PDE10A: variants seen among roughly 807,000 people sequenced by gnomAD.
PDE10A encodes the protein phosphodiesterase 10A.
PDE10A carries 39 observed loss-of-function variants against 97.7 expected under a neutral mutation model. The observed-to-expected ratio is 0.40, with a 90% CI of 0.31 to 0.52. PDE10A has a LOEUF of 0.52. Among genes scored for constraint, PDE10A ranks in the 20% least tolerant of loss-of-function variants. PDE10A has a pLI of 0.56. For synonymous variants in PDE10A, 371 were observed against 376.8 expected (o/e 0.98, Z 0.18); for missense variants, 731 against 1,047.8 (o/e 0.70, Z 4.17).
intron 1 of PDE10A, among the ~76,000 whole-genome samples, chr6:165,816,476 T>A (rs1416568413): frequency 6.6e-6 from 1 of 152,214 alleles, no homozygotes; most frequent in Non-Finnish European, 1.5e-5. Context: ...GAGCACGTGC[T>A]CTGGAGCAGG....
At chr6:165,886,418 TGGAGCCAGGA>T (rs1781635176) in intron 1 of PDE10A, among the ~76,000 whole-genome samples, 1 of 152,192 alleles carries the variant, frequency 6.6e-6, no homozygotes, top group Non-Finnish European at 1.5e-5. Context: ...TCTGCAGCCC[TGGAGCCAGGA>T]GAAGCCCCAA....
intron 2 of PDE10A, among the ~76,000 whole-genome samples, chr6:165,515,560 G>A (rs73037899): frequency 8.2e-6 from 1 of 121,248 alleles, no homozygotes; most frequent in African/African-American, 3.3e-5. Context: ...GTCTCACTCT[G>A]TCACACAGGG....
At chr6:165,689,693 G>A (rs1791219121) in intron 1 of PDE10A, among the ~76,000 whole-genome samples, 1 of 152,182 alleles carries the variant, frequency 6.6e-6, no homozygotes, top group Non-Finnish European at 1.5e-5. Flanking sequence ...GGTCTCACCA[G>A]AAGCGGATGC....
At chr6:165,779,612 G>GGGT (rs1414698200) in intron 1 of PDE10A, among the ~76,000 whole-genome samples, 1 of 152,156 alleles carries the variant, frequency 6.6e-6, no homozygotes, top group Non-Finnish European at 1.5e-5. Flanking sequence ...TAATTATTTG[G>GGGT]GGTGGTGGCT....
chr6:165,984,384 G>A (rs976995590), intron 1 of PDE10A, among the ~76,000 whole-genome samples: 4 of 152,128 alleles, frequency 2.6e-5, no homozygotes, highest in Non-Finnish European at 4.4e-5. Context: ...GATGAAAAAT[G>A]TTTGCTGAAA....
At chr6:165,615,433 G>C (rs1787685618) in intron 1 of PDE10A, among the ~76,000 whole-genome samples, 1 of 151,404 alleles carries the variant, frequency 6.6e-6, no homozygotes, top group Admixed American at 6.6e-5. Context: ...CCAAAGTGAT[G>C]AAAATAAGTC....
chr6:165,824,357 C>T (rs747660315), intron 1 of PDE10A, among the ~76,000 whole-genome samples: 19 of 152,134 alleles, frequency 1.2e-4, no homozygotes, highest in South Asian at 6.2e-4. Flanking sequence ...GATAGCATGT[C>T]GAAATTTTCA....
chr6:165,857,722 TGTGTGTGTGTGTGTGA>T (rs58132784), intron 1 of PDE10A, among the ~76,000 whole-genome samples: 11,883 of 143,012 alleles, frequency 0.083, 706 homozygotes, highest in East Asian at 0.3. Context: ...TGTGTGTGTG[TGTGTGTGTGTGTGTGA>T]AGAATGATTG....
chr6:165,959,064 T>C (rs367848455), intron 1 of PDE10A, among the ~76,000 whole-genome samples: 8 of 152,122 alleles, frequency 5.3e-5, no homozygotes, highest in African/African-American at 1.9e-4. Context: ...CAAGATTGGG[T>C]GGTAATGGGG....
At chr6:165,411,163 G>A (rs944528673) in intron 13 of PDE10A, among the ~76,000 whole-genome samples, 1 of 148,964 alleles carries the variant, frequency 6.7e-6, no homozygotes, top group South Asian at 2.1e-4. Flanking sequence ...CCCAGGTCAT[G>A]AGAGACAACA....
chr6:165,458,367 A>G (rs188291015), intron 3 of PDE10A, among the ~76,000 whole-genome samples: 4 of 152,218 alleles, frequency 2.6e-5, no homozygotes, highest in Admixed American at 2.0e-4. Flanking sequence ...TAGAGCCCTC[A>G]TGAATGGGAT....
intron 1 of PDE10A, among the ~76,000 whole-genome samples, chr6:165,930,566 T>A (rs1170605196): frequency 6.6e-6 from 1 of 152,240 alleles, no homozygotes; most frequent in Non-Finnish European, 1.5e-5. Context: ...TCCTTCAGTT[T>A]TGTTTTCTTC....
At chr6:165,824,510 C>A (rs1388873034) in intron 1 of PDE10A, among the ~76,000 whole-genome samples, 1 of 152,188 alleles carries the variant, frequency 6.6e-6, no homozygotes, top group Non-Finnish European at 1.5e-5. Context: ...TTGTCCTGAT[C>A]TTCTAATGCT....
rs1562809788 is a variant in PDE10A, at chr6:165,943,230, A to AAG, written c.-615+44298_-615+44299insCT. ...AAGAAAGAAAGAAAGAAAGAAAGAA[A>AAG]GAAAGAAGGAAGGAAGGAAGGAAGG... On this transcript the variant is annotated intron_variant, in intron 1 of 19. Coordinates refer to the PDE10A transcript ENST00000366882. Among the ~76,000 whole-genome samples the AAG allele has an allele frequency of 8.2e-3, 328 of 40,062 alleles. 4 individuals are homozygous for AAG. Among genetic ancestry groups the AAG allele is most frequent in the Non-Finnish European group, 0.013 (245 of 19,496 alleles). 26.3% of individuals were successfully genotyped at this position (40,062 alleles called of 152,430 possible). A position where few individuals can be genotyped will look rare whatever the true frequency, so the allele number is the denominator to read the frequency against.
intron 10 of PDE10A, among the ~76,000 whole-genome samples, chr6:165,421,727 A>G (rs1191790981): frequency 6.6e-6 from 1 of 152,182 alleles, no homozygotes; most frequent in Non-Finnish European, 1.5e-5. Flanking sequence ...ATGTTATTTC[A>G]TATGTCAAAA....
intron 3 of PDE10A, among the ~76,000 whole-genome samples, chr6:165,451,764 T>C (rs1173043451): frequency 2.0e-5 from 3 of 152,230 alleles, no homozygotes; most frequent in Non-Finnish European, 4.4e-5. Flanking sequence ...GGCTCTCTTC[T>C]AGTCATCAGA....
At chr6:165,362,327 G>A (rs1206518037) in intron 18 of PDE10A, among the ~76,000 whole-genome samples, 1 of 151,784 alleles carries the variant, frequency 6.6e-6, no homozygotes, top group African/African-American at 2.4e-5. Context: ...GGGAGAGGGA[G>A]AAAAAGAAAG....
intron 17 of PDE10A, among the ~76,000 whole-genome samples, chr6:165,383,791 T>C (rs539614245): frequency 1.3e-4 from 20 of 152,196 alleles, no homozygotes; most frequent in Non-Finnish European, 2.2e-4. Context: ...AACACTAAGA[T>C]GTATGTATGC....
intron 2 of PDE10A, among the ~76,000 whole-genome samples, chr6:165,517,834 G>A (rs952854036): frequency 2.6e-5 from 4 of 152,282 alleles, no homozygotes; most frequent in South Asian, 2.1e-4. Flanking sequence ...AACTATACAC[G>A]AGAAAAATAC....
Sources: allele counts gnomAD v4.1 joint callset (sites outside exome capture counted in the v4.1 genomes callset), GRCh38; gene constraint gnomAD v4.1.1; transcripts MANE v1.5; gene names NCBI Gene and HGNC (gene_info 2026-07-23, HGNC 2026-07-21).